Variants in CDKL5 observed in about 807,000 individuals in gnomAD.
CDKL5 encodes the protein cyclin-dependent kinase-like 5.
A neutral mutation model predicts 61.7 loss-of-function variants in CDKL5; 8 were observed. That is an observed-to-expected ratio of 0.13 (90% confidence interval 0.08 to 0.23). The LOEUF is 0.23. Ranked by LOEUF, CDKL5 falls within the 10% of genes least tolerant of loss-of-function variation. The pLI, the probability that CDKL5 is intolerant of heterozygous loss-of-function variation, is 1.00. For synonymous variants in CDKL5, 275 were observed against 272.3 expected, an observed-to-expected ratio of 1.01 and a Z score of -0.10; for missense variants, 440 against 734.5, an observed-to-expected ratio of 0.60 and a Z score of 4.63.
intron 4 of CDKL5, among the ~76,000 whole-genome samples, chrX:18,564,880 C>T (rs1333450667): frequency 1.8e-5 from 2 of 111,645 alleles, no homozygotes; most frequent in East Asian, 5.6e-4. Flanking sequence ...CAAGTAAATA[C>T]TTCTGTGGGT....
intron 1 of CDKL5, among the ~76,000 whole-genome samples, chrX:18,501,419 C>T (rs1162594918): frequency 2.7e-5 from 3 of 111,097 alleles, no homozygotes; most frequent in African/African-American, 9.8e-5. Context: ...GGTTATTCAC[C>T]CTCCTCAGCC....
chrX:18,628,656 G>C lies in CDKL5; in HGVS notation c.2782G>C (p.Glu928Gln), dbSNP rs1014339966. The change falls in exon 18 of 18, where the codon GAA becomes CAA. Residue 928 changes from glutamate (E) to glutamine (Q), a missense_variant. Glu to Gln is a conservative substitution (Grantham distance 29, BLOSUM62 2). Around this residue, in one of 2 missense-constraint regions of CDKL5, gnomAD observed 363 missense variants for 516.3 expected, o/e 0.70. Coordinates refer to ENST00000623535, the MANE Select transcript of CDKL5 (RefSeq NM_001323289.2). ...TGCCACAGAGGGCCCTTCCTACTCT[G>C]AACAGCTGGGTGCCAAAAGTGGGCC... is the stretch of plus-strand genomic sequence containing the variant. The part of the protein sequence containing the change: ...RSATEGPSYS[E>Q]QLGAKSGPNG... 8.3e-7 allele frequency: 1 copy of C among 1,207,355 alleles called. No homozygotes were observed. Among genetic ancestry groups the C allele is most frequent in the Non-Finnish European group, 1.1e-6 (1 of 893,099 alleles).
At chrX:18,587,388 A>G (rs1271025074) in intron 8 of CDKL5, among the ~76,000 whole-genome samples, 2 of 111,919 alleles carry the variant, frequency 1.8e-5, no homozygotes, top group African/African-American at 6.5e-5. Context: ...CATAGGTTAC[A>G]TATATTATAT....
At chrX:18,606,900 T>C (rs1926384527) in intron 12 of CDKL5, among the ~76,000 whole-genome samples, 1 of 111,664 alleles carries the variant, frequency 9.0e-6, no homozygotes, top group Non-Finnish European at 1.9e-5. Context: ...GTAGAAACAA[T>C]AGGATTTGTG....
At chrX:18,617,141 T>G (rs1036272890) in intron 15 of CDKL5, among the ~76,000 whole-genome samples, 1 of 112,121 alleles carries the variant, frequency 8.9e-6, no homozygotes. Context: ...CTTCCTTTCT[T>G]TAGGTGAATC....
At position 18,579,911 on chromosome X, in the gene CDKL5, A is replaced by G. The variant is rs1925420648; in HGVS notation, c.346A>G (p.Ile116Val). The G allele has an allele frequency of 8.4e-7, 1 of 1,196,567 alleles. No individual in the cohort carries two copies. The highest frequency in any genetic ancestry group is 1.1e-6 in the Non-Finnish European group (1 of 881,768). Residue 116 changes from isoleucine to valine, a missense_variant, in exon 6 of 18, where the codon ATC (isoleucine) becomes GTC (valine). This residue lies in a region of CDKL5 where 77 missense variants were observed against 218.2 expected (regional missense o/e 0.35). Transcript: ENST00000623535. ...GVPPEKVKSY[I>V]YQLIKAIHWC... ...TCCACCTGAGAAAGTAAAAAGCTACATCTATCAGCTAATCAAGGCTATTCA... is the reference window on the plus strand; with the variant it reads ...TCCACCTGAGAAAGTAAAAAGCTACGTCTATCAGCTAATCAAGGCTATTCA...
chrX:18,515,438 A>T (rs1922980256), intron 3 of CDKL5, among the ~76,000 whole-genome samples: 2 of 111,950 alleles, frequency 1.8e-5, no homozygotes, highest in South Asian at 7.5e-4. Flanking sequence ...AACATCCAAC[A>T]TTGGGGTACA....
chrX:18,614,864 A>G (rs769509706), intron 15 of CDKL5, among the ~76,000 whole-genome samples: 2 of 112,669 alleles, frequency 1.8e-5, no homozygotes, highest in South Asian at 7.3e-4. Context: ...CTTGATTATT[A>G]CATAATGAAG....
At chrX:18,600,518 T>TA (rs1343994085) in intron 11 of CDKL5, among the ~76,000 whole-genome samples, 1 of 112,154 alleles carries the variant, frequency 8.9e-6, no homozygotes, top group Admixed American at 9.5e-5. Flanking sequence ...CCCAATGATA[T>TA]AAAGTCCAGT....
chrX:18,637,110 T>C lies in CDKL5; in HGVS notation c.*8353T>C, dbSNP rs1927411450. On this transcript the variant is annotated 3_prime_UTR_variant, in exon 18 of 18. Coordinates refer to ENST00000623535, the MANE Select transcript of CDKL5 (RefSeq NM_001323289.2). Reference sequence around the variant, plus strand: ...CCGTCTGTACTAAAAATACAAAAATTAGGTCTGGGCGGTGGCTCACGCCCG... The same window carrying C: ...CCGTCTGTACTAAAAATACAAAAATCAGGTCTGGGCGGTGGCTCACGCCCG... 9.1e-6 allele frequency: 1 copy of C among 110,318 alleles called. No homozygotes were observed. The highest frequency in any genetic ancestry group is 3.3e-5 in the African/African-American group (1 of 30,233). 9.1% of individuals were successfully genotyped at this position (110,318 alleles called of 1,213,427 possible).
chrX:18,584,847 C>T (rs974736609), intron 8 of CDKL5, among the ~76,000 whole-genome samples: 1 of 111,959 alleles, frequency 8.9e-6, no homozygotes, highest in Non-Finnish European at 1.9e-5. Context: ...ACATGACCAA[C>T]CCCTGATTCA....
intron 4 of CDKL5, among the ~76,000 whole-genome samples, chrX:18,564,763 T>C (rs1461496194): frequency 9.0e-6 from 1 of 110,946 alleles, no homozygotes; most frequent in Non-Finnish European, 1.9e-5. Context: ...AATTCATCTT[T>C]TTATTTTAAG....
In CDKL5 at chrX:18,631,096, C is replaced by G. The variant is rs1037085059; in HGVS notation, c.*2339C>G. Reference sequence around the variant, plus strand: ...GGCTCGTCACCTAGGGGCTGGTTTCCCATGTTGTCATCCTTGCTAACACTG... The same window carrying G: ...GGCTCGTCACCTAGGGGCTGGTTTCGCATGTTGTCATCCTTGCTAACACTG... On this transcript the variant is annotated 3_prime_UTR_variant, in exon 18 of 18. Transcript: ENST00000623535. The G allele has an allele frequency of 1.3e-5, 10 of 750,114 alleles. No individual in the cohort carries two copies. Among genetic ancestry groups the G allele is most frequent in the Non-Finnish European group, 1.6e-5 (10 of 638,527 alleles). The allele number at this position is 750,114 out of a possible 1,213,427, so 61.8% of individuals were successfully genotyped here. A position where few individuals can be genotyped will look rare whatever the true frequency, so the allele number is the denominator to read the frequency against.
chrX:18,458,221 C>T (rs1337798265), intron 1 of CDKL5, among the ~76,000 whole-genome samples: 1 of 110,569 alleles, frequency 9.0e-6, no homozygotes, highest in Non-Finnish European at 1.9e-5. Flanking sequence ...CCGCACCCAG[C>T]CTGCTTAATG....
At chrX:18,575,171 A>T (rs1925255514) in intron 4 of CDKL5, among the ~76,000 whole-genome samples, 183 bp from the exon 5 acceptor site, 1 of 111,959 alleles carries the variant, frequency 8.9e-6, no homozygotes. Flanking sequence ...CCTTTCTTCG[A>T]TTTTCTTATT....
chrX:18,564,445 A>G, intron 3 of CDKL5, 32 bp from the exon 4 acceptor site: 1 of 1,119,942 alleles, frequency 8.9e-7, no homozygotes, highest in Non-Finnish European at 1.2e-6. Flanking sequence ...ACACTGGAGA[A>G]TGACTTTCCT....
intron 3 of CDKL5, among the ~76,000 whole-genome samples, chrX:18,523,098 A>T (rs1273597572): frequency 9.0e-6 from 1 of 111,341 alleles, no homozygotes; most frequent in South Asian, 3.7e-4. Context: ...ACCCGGCCCC[A>T]GTTTATTTTT....
chrX:18,453,648 A>G (rs1485697440), intron 1 of CDKL5, among the ~76,000 whole-genome samples: 1 of 111,854 alleles, frequency 8.9e-6, no homozygotes, highest in African/African-American at 3.2e-5. Context: ...GAACCAGTCT[A>G]GCACTTCTCT....
chrX:18,605,317 A>T (rs902489574), intron 12 of CDKL5, among the ~76,000 whole-genome samples: 22 of 112,430 alleles, frequency 2.0e-4, no homozygotes, highest in Non-Finnish European at 1.7e-4. Context: ...AACTGAATTT[A>T]AAAGTTTTAA....
Sources: allele counts gnomAD v4.1 joint callset (sites outside exome capture counted in the v4.1 genomes callset), GRCh38; gene constraint gnomAD v4.1.1; regional missense constraint gnomAD v4.1.1; transcripts MANE v1.5; gene names NCBI Gene and HGNC (gene_info 2026-07-23, HGNC 2026-07-21).